XKR6: variants seen among roughly 807,000 people sequenced by gnomAD.
The protein encoded by XKR6 is XK-related protein 6.
XKR6 carries 22 observed loss-of-function variants against 56.7 expected under a neutral mutation model. That is an observed-to-expected ratio of 0.39 (90% CI 0.28 to 0.55). XKR6 has a LOEUF of 0.55. Among genes scored for constraint, XKR6 ranks in the 20% least tolerant of loss-of-function variants. XKR6 has a pLI of 0.66. For synonymous variants in XKR6, 524 were observed against 387.8 expected (o/e 1.35, Z -4.13); for missense variants, 852 against 889.0 (o/e 0.96, Z 0.53).
chr8:11,198,825 G>A (rs78013337), intron 1 of XKR6, among the ~76,000 whole-genome samples: 4,484 of 151,826 alleles, frequency 0.03, 193 homozygotes, highest in African/African-American at 0.1. Context: ...GAATTCTACT[G>A]GTATGTTAAA....
At chr8:11,189,458 C>A (rs1803435607) in intron 1 of XKR6, among the ~76,000 whole-genome samples, 1 of 152,186 alleles carries the variant, frequency 6.6e-6, no homozygotes, top group African/African-American at 2.4e-5. Context: ...TTGGTTAATA[C>A]AGACTTTTTG....
At chr8:11,135,547 G>C (rs1177356443) in intron 1 of XKR6, among the ~76,000 whole-genome samples, 1 of 152,086 alleles carries the variant, frequency 6.6e-6, no homozygotes, top group Non-Finnish European at 1.5e-5. Context: ...TCTATTATCG[G>C]TCATTTAGGC....
chr8:11,169,690 A>G (rs901583663), intron 1 of XKR6, among the ~76,000 whole-genome samples: 3 of 152,216 alleles, frequency 2.0e-5, no homozygotes, highest in Admixed American at 6.5e-5. Flanking sequence ...ATGAAGAAAA[A>G]GTTCTGGAAA....
intron 1 of XKR6, among the ~76,000 whole-genome samples, chr8:11,177,229 C>G (rs1802705678): frequency 6.6e-6 from 1 of 152,234 alleles, no homozygotes; most frequent in Non-Finnish European, 1.5e-5. Context: ...TACAAAGACT[C>G]TTTCCTGCTC....
intron 1 of XKR6, among the ~76,000 whole-genome samples, chr8:11,176,718 G>A (rs538918850): frequency 2.6e-5 from 4 of 152,148 alleles, no homozygotes; most frequent in Non-Finnish European, 5.9e-5. Context: ...CCCATCAGCA[G>A]TTAGGGCATC....
chr8:11,046,574 T>G (rs951872616), intron 1 of XKR6, among the ~76,000 whole-genome samples: 1 of 152,212 alleles, frequency 6.6e-6, no homozygotes, highest in Non-Finnish European at 1.5e-5. Context: ...AGAGAAAATG[T>G]GGTTATTACA....
intron 1 of XKR6, among the ~76,000 whole-genome samples, chr8:10,953,459 T>C (rs1663460700): frequency 6.6e-6 from 1 of 152,208 alleles, no homozygotes; most frequent in African/African-American, 2.4e-5. Context: ...TTATGCCTCC[T>C]GTACAGCCTG....
chr8:11,033,281 C>A (rs931796450), intron 1 of XKR6, among the ~76,000 whole-genome samples: 1 of 137,362 alleles, frequency 7.3e-6, no homozygotes, highest in South Asian at 2.3e-4. Context: ...GCGATGATGA[C>A]GATAGTGATG....
intron 1 of XKR6, chr8:11,123,568 T>C (rs890071306): frequency 3.4e-4 from 93 of 272,710 alleles, no homozygotes; most frequent in Non-Finnish European, 6.2e-4. Context: ...CTGGAACTAA[T>C]AGAAATAATC....
intron 1 of XKR6, among the ~76,000 whole-genome samples, chr8:11,119,183 A>G (rs1799326522): frequency 6.6e-6 from 1 of 152,132 alleles, no homozygotes; most frequent in Non-Finnish European, 1.5e-5. Context: ...ACAGTTTGTT[A>G]TAATTTCTGT....
chr8:11,160,911 C>CAAA (rs33931830), intron 1 of XKR6, among the ~76,000 whole-genome samples: 3,171 of 63,252 alleles, frequency 0.05, 179 homozygotes, highest in African/African-American at 0.071. Flanking sequence ...GACTCCGTCT[C>CAAA]AAAAAAAAAA....
chr8:10,979,331 G>T (rs1472619846), intron 1 of XKR6, among the ~76,000 whole-genome samples: 1 of 151,902 alleles, frequency 6.6e-6, no homozygotes, highest in Non-Finnish European at 1.5e-5. Context: ...TGTGTTTGCA[G>T]AAAAATGAGG....
At chr8:10,941,409 G>A (rs1047618039) in intron 1 of XKR6, among the ~76,000 whole-genome samples, 1 of 152,216 alleles carries the variant, frequency 6.6e-6, no homozygotes, top group African/African-American at 2.4e-5. Context: ...CTGTGGAGAT[G>A]GAGAAACTGA....
chr8:10,906,595 G>C (rs922881905), intron 2 of XKR6, among the ~76,000 whole-genome samples: 1 of 152,214 alleles, frequency 6.6e-6, no homozygotes, highest in Non-Finnish European at 1.5e-5. Context: ...AGGTCTAACA[G>C]GTTGCTTTGT....
At chr8:11,115,695 A>AC (rs1289115727) in intron 1 of XKR6, among the ~76,000 whole-genome samples, 2 of 152,084 alleles carry the variant, frequency 1.3e-5, no homozygotes, top group African/African-American at 4.8e-5. Context: ...GTTCATCTTA[A>AC]CCCATTTCTG....
At chr8:11,155,984 G>A (rs975075465) in intron 1 of XKR6, among the ~76,000 whole-genome samples, 2 of 152,168 alleles carry the variant, frequency 1.3e-5, no homozygotes, top group Admixed American at 6.5e-5. Context: ...CTTTGCAGGA[G>A]CTATTTCAAT....
intron 2 of XKR6, among the ~76,000 whole-genome samples, chr8:10,919,470 T>C (rs952810368): frequency 3.3e-5 from 5 of 152,264 alleles, no homozygotes; most frequent in African/African-American, 1.2e-4. Flanking sequence ...CTCCCCATTG[T>C]TCCTCCACAC....
chr8:11,074,407 G>T (rs558476527), intron 1 of XKR6, among the ~76,000 whole-genome samples: 4 of 152,342 alleles, frequency 2.6e-5, no homozygotes, highest in Non-Finnish European at 5.9e-5. Flanking sequence ...CTGCAAGACT[G>T]CCCAGCCCTG....
At chr8:11,151,543 T>G (rs1163975404) in intron 1 of XKR6, among the ~76,000 whole-genome samples, 1 of 152,212 alleles carries the variant, frequency 6.6e-6, no homozygotes, top group Non-Finnish European at 1.5e-5. Context: ...GAACAAGATG[T>G]GACATTTCCC....
Sources: allele counts gnomAD v4.1 joint callset (sites outside exome capture counted in the v4.1 genomes callset), GRCh38; gene constraint gnomAD v4.1.1; transcripts MANE v1.5; gene names NCBI Gene and HGNC (gene_info 2026-07-23, HGNC 2026-07-21).